Variants in TMEM120B observed in about 807,000 individuals in gnomAD.
TMEM120B encodes the protein transmembrane protein 120B.
In TMEM120B, 31 loss-of-function variants were observed where a neutral mutation model predicts 55.5. The ratio of observed to expected loss-of-function variants is 0.56; its 90% CI spans 0.42 to 0.75. The LOEUF (loss-of-function observed/expected upper bound fraction) is 0.75, where lower values mean the gene tolerates loss of function less well. Ranked by LOEUF, TMEM120B falls within the 30% of genes least tolerant of loss-of-function variation. TMEM120B has a pLI of 0.00. For missense variants in TMEM120B, 399 were observed against 425.5 expected, an observed-to-expected ratio of 0.94 and a Z score of 0.55; for synonymous variants, 203 against 176.3, an observed-to-expected ratio of 1.15 and a Z score of -1.20.
At chr12:121,724,549 T>C (rs1379813671) in intron 1 of TMEM120B, among the ~76,000 whole-genome samples, 3 of 151,810 alleles carry the variant, frequency 2.0e-5, no homozygotes, top group Non-Finnish European at 4.4e-5. Context: ...TTTTTTCACA[T>C]GCCTTAACTG....
At chr12:121,772,109 TTCTCTCTCTCTCTCTTTCTC>T (rs1874081821) in intron 8 of TMEM120B, among the ~76,000 whole-genome samples, 1 of 147,322 alleles carries the variant, frequency 6.8e-6, no homozygotes, top group Non-Finnish European at 1.5e-5. Flanking sequence ...CTTTCTCTCT[TTCTCTCTCTCTCTCTTTCTC>T]TCTTTCTTTC....
intron 1 of TMEM120B, among the ~76,000 whole-genome samples, chr12:121,729,784 G>A (rs1894961541): frequency 6.6e-6 from 1 of 152,130 alleles, no homozygotes; most frequent in Admixed American, 6.6e-5. Flanking sequence ...GGGCGACAGA[G>A]AGCGATCCCG....
Position 121,766,555 on chromosome 12 carries a change from C to T in TMEM120B, c.552-4352C>T, listed in dbSNP as rs138074341. ...CCCTCCACCCCAGTTGGAATCTTGACACAGACTTCTGATTGGCCAGGCTTG... is the reference window on the plus strand; with the variant it reads ...CCCTCCACCCCAGTTGGAATCTTGATACAGACTTCTGATTGGCCAGGCTTG... On this transcript the variant is annotated intron_variant, in intron 6 of 11. Coordinates refer to ENST00000449592, the MANE Select transcript of TMEM120B (RefSeq NM_001080825.2). 5.6e-3 allele frequency among the ~76,000 whole-genome samples: 850 copies of T among 152,312 alleles called. 16 individuals are homozygous for T. Among genetic ancestry groups the T allele is most frequent in the Middle Eastern group, 0.037 (11 of 294 alleles).
chr12:121,762,088 G>T (rs1873697345), intron 6 of TMEM120B, among the ~76,000 whole-genome samples: 1 of 151,998 alleles, frequency 6.6e-6, no homozygotes, highest in South Asian at 2.1e-4. Flanking sequence ...GTCAGGAGAT[G>T]GAGACCAGTC....
Position 121,756,885 on chromosome 12 carries a change from AGTT to A in TMEM120B, c.461+4666_461+4668del, listed in dbSNP as rs540392450. On this transcript the variant is annotated intron_variant, in intron 5 of 11. Coordinates refer to ENST00000449592, the MANE Select transcript of TMEM120B (RefSeq NM_001080825.2). The stretch of plus-strand genomic sequence containing the variant: ...CCGGCTGTGGGACTGTGGGCAAGTC[AGTT>A]GTTCTCCTGAGCTGACACTCCCCAC... 3.9e-5 allele frequency among the ~76,000 whole-genome samples: 6 copies of A among 152,280 alleles called. No individual in the cohort carries two copies. The South Asian group carries it at 1.0e-3, about 26-fold the overall frequency.
At chr12:121,726,404 C>T (rs969303249) in intron 1 of TMEM120B, among the ~76,000 whole-genome samples, 13 of 149,980 alleles carry the variant, frequency 8.7e-5, no homozygotes, top group East Asian at 8.0e-4. Flanking sequence ...ATGGTGAAAC[C>T]GCGTCTCTAC....
chr12:121,717,099 C>T (rs562364645), intron 1 of TMEM120B, among the ~76,000 whole-genome samples: 1 of 152,274 alleles, frequency 6.6e-6, no homozygotes, highest in African/African-American at 2.4e-5. Flanking sequence ...GCTGGGGTTT[C>T]AGGCATGCTG....
At chr12:121,764,765 G>A (rs1873794076) in intron 6 of TMEM120B, among the ~76,000 whole-genome samples, 2 of 152,152 alleles carry the variant, frequency 1.3e-5, no homozygotes, top group African/African-American at 4.8e-5. Flanking sequence ...GATGGGGGGC[G>A]ACCAGAGAGA....
intron 1 of TMEM120B, among the ~76,000 whole-genome samples, chr12:121,727,360 A>T (rs1290742477): frequency 1.3e-5 from 2 of 150,252 alleles, no homozygotes; most frequent in Non-Finnish European, 3.0e-5. Flanking sequence ...GCATAATGAG[A>T]CCCCGTCTCT....
chr12:121,724,323 C>T (rs541404667), intron 1 of TMEM120B, among the ~76,000 whole-genome samples: 6 of 152,158 alleles, frequency 3.9e-5, no homozygotes, highest in Non-Finnish European at 5.9e-5. Flanking sequence ...GTGTGAGCAA[C>T]TGTGCCCAGC....
chr12:121,722,834 G>A (rs1347935386), intron 1 of TMEM120B, among the ~76,000 whole-genome samples: 1 of 139,752 alleles, frequency 7.2e-6, no homozygotes, highest in Non-Finnish European at 1.5e-5. Flanking sequence ...GGTGTGGGCA[G>A]TTTTTTAAAT....
At chr12:121,735,764 C>T (rs765227999) in intron 1 of TMEM120B, among the ~76,000 whole-genome samples, 2 of 151,758 alleles carry the variant, frequency 1.3e-5, no homozygotes, top group Middle Eastern at 3.2e-3. Flanking sequence ...ATTCTCGGCT[C>T]ACTGCAACCT....
intron 8 of TMEM120B, among the ~76,000 whole-genome samples, chr12:121,772,661 G>C (rs1006031577): frequency 3.9e-5 from 6 of 151,956 alleles, no homozygotes; most frequent in Non-Finnish European, 8.8e-5. Context: ...GGCCTCAAGG[G>C]ATCTGCCTGC....
chr12:121,739,798 CTTTTTTTTTT>C (rs200085137), intron 1 of TMEM120B, among the ~76,000 whole-genome samples: 1 of 99,214 alleles, frequency 1.0e-5, no homozygotes, highest in Non-Finnish European at 1.9e-5. Context: ...TGCAACACTT[CTTTTTTTTTT>C]TTTTTTTTTT....
intron 1 of TMEM120B, among the ~76,000 whole-genome samples, chr12:121,718,187 A>G (rs1894734920): frequency 6.6e-6 from 1 of 152,214 alleles, no homozygotes; most frequent in Non-Finnish European, 1.5e-5. Context: ...CATTTAATCT[A>G]AATATCAACC....
At chr12:121,768,477 G>A (rs1320630258) in intron 6 of TMEM120B, among the ~76,000 whole-genome samples, 2 of 152,156 alleles carry the variant, frequency 1.3e-5, no homozygotes, top group Non-Finnish European at 2.9e-5. Context: ...ATCCAGTCTC[G>A]TTCTTACGAT....
At position 121,779,955 on chromosome 12, in the gene TMEM120B, C is replaced by G. The variant is rs201098881; in HGVS notation, c.*4233C>G. 1 of 280,738 alleles carries G rather than the reference C, an allele frequency of 3.6e-6. No individual in the cohort carries two copies. Among genetic ancestry groups the G allele is most frequent in the Non-Finnish European group, 6.7e-6 (1 of 148,300 alleles). 17.4% of individuals were successfully genotyped at this position (280,738 alleles called of 1,614,324 possible). On this transcript the variant is annotated 3_prime_UTR_variant, in exon 12 of 12. Transcript: ENST00000449592. ...ACCCGGGGTTGGTTCCCCCAGGTGT[C>G]TCCCAGGCCTGTGAGAAGAGTTGGA...
chr12:121,720,611 T>G (rs139249613), intron 1 of TMEM120B, among the ~76,000 whole-genome samples: 127 of 151,948 alleles, frequency 8.4e-4, no homozygotes, highest in Non-Finnish European at 1.0e-4. Context: ...CTCGGGTGGT[T>G]GAGAGAGGAG....
chr12:121,743,670 T>C lies in TMEM120B; in HGVS notation c.111T>C (p.Ala37=). The change falls in exon 2 of 12, where the codon GCT becomes GCC. Residue 37 remains alanine, a synonymous_variant. Coordinates refer to ENST00000449592, the MANE Select transcript of TMEM120B (RefSeq NM_001080825.2). ...RIYKQKLEEL[A]ALQTLCSSSI... is the part of the protein sequence containing the mutation. ...ACAAGCAGAAGCTGGAGGAGCTGGC[T>C]GCGCTGCAGACGCTGTGTAGCAGTT... 2 of 1,613,692 alleles carry C rather than the reference T, an allele frequency of 1.2e-6. No individual in the cohort carries two copies. The highest frequency in any genetic ancestry group is 1.7e-6 in the Non-Finnish European group (2 of 1,179,970).
Sources: allele counts gnomAD v4.1 joint callset (sites outside exome capture counted in the v4.1 genomes callset), GRCh38; gene constraint gnomAD v4.1.1; transcripts MANE v1.5; gene names NCBI Gene and HGNC (gene_info 2026-07-23, HGNC 2026-07-21).